The following AK5 variants were observed in gnomAD, a reference collection of about 807,000 sequenced individuals.
AK5 encodes the protein adenylate kinase 5.
Under a neutral mutation model 69.5 loss-of-function variants are expected in AK5, and 27 were observed. The ratio of observed to expected loss-of-function variants is 0.39; its 90% CI spans 0.29 to 0.54. The LOEUF is 0.54. Among genes scored for constraint, AK5 ranks in the 20% least tolerant of loss-of-function variants. AK5 has a pLI of 0.71. For synonymous variants in AK5, 260 were observed against 244.4 expected, an observed-to-expected ratio of 1.06 and a Z score of -0.60; for missense variants, 531 against 700.4, an observed-to-expected ratio of 0.76 and a Z score of 2.73.
chr1:77,554,396 G>A lies in AK5; in HGVS notation c.1621-4206G>A, dbSNP rs12125332. On this transcript the variant is annotated intron_variant, in intron 13 of 13. Coordinates refer to ENST00000354567, the MANE Select transcript of AK5 (RefSeq NM_174858.3). Reference sequence around the variant, plus strand: ...GTGAGCTCAGATTTGGAATAGCATAGAACATCCAGGCTGGAACCAGACCTG... The same window carrying A: ...GTGAGCTCAGATTTGGAATAGCATAAAACATCCAGGCTGGAACCAGACCTG... Among the ~76,000 whole-genome samples the A allele has an allele frequency of 2.0e-3, 312 of 152,270 alleles. 1 individual carries two copies. The highest frequency in any genetic ancestry group is 3.4e-3 in the Non-Finnish European group (234 of 68,026).
intron 8 of AK5, among the ~76,000 whole-genome samples, chr1:77,474,626 G>C (rs1361668812): frequency 6.6e-6 from 1 of 152,164 alleles, no homozygotes; most frequent in African/African-American, 2.4e-5. Context: ...TCAGAAGGAA[G>C]AGGACTGGAG....
At chr1:77,532,496 A>G (rs1261107254) in intron 12 of AK5, among the ~76,000 whole-genome samples, 3 of 151,976 alleles carry the variant, frequency 2.0e-5, no homozygotes, top group African/African-American at 7.3e-5. Context: ...GGTTACATGT[A>G]TCTGCTTCAG....
chr1:77,290,800 A>G (rs1478192199), intron 2 of AK5, among the ~76,000 whole-genome samples: 1 of 152,216 alleles, frequency 6.6e-6, no homozygotes, highest in Admixed American at 6.5e-5. Context: ...TATGTGTCAG[A>G]CATTCTTTTA....
chr1:77,291,953 C>T (rs1658711814), intron 2 of AK5, among the ~76,000 whole-genome samples: 2 of 152,172 alleles, frequency 1.3e-5, no homozygotes, highest in African/African-American at 4.8e-5. Flanking sequence ...GTGTCAATGA[C>T]AAGAAGCAGT....
chr1:77,380,656 C>G (rs1423283633), intron 6 of AK5, among the ~76,000 whole-genome samples: 2 of 152,310 alleles, frequency 1.3e-5, no homozygotes, highest in South Asian at 2.1e-4. Flanking sequence ...AAGACATGAT[C>G]CCTGACCTCA....
At chr1:77,388,569 T>TGTG (rs1013906021) in intron 6 of AK5, among the ~76,000 whole-genome samples, 1 of 74,504 alleles carries the variant, frequency 1.3e-5, no homozygotes, top group African/African-American at 6.0e-5. Flanking sequence ...TTGGTTGTTT[T>TGTG]GTTGTTGTTG....
At chr1:77,296,526 A>T (rs1268251770) in intron 3 of AK5, among the ~76,000 whole-genome samples, 1 of 152,128 alleles carries the variant, frequency 6.6e-6, no homozygotes, top group East Asian at 1.9e-4. Context: ...AAGTACAATA[A>T]CATTCTCAAT....
intron 6 of AK5, 198 bp downstream of exon 6, chr1:77,340,766 T>A: frequency 2.2e-6 from 1 of 446,862 alleles, no homozygotes; most frequent in Non-Finnish European, 3.9e-6. Flanking sequence ...ACTTTCTTTT[T>A]AATTTAATTG....
chr1:77,306,393 GTATGTTGAACCATCT>G (rs1426512308), intron 5 of AK5, among the ~76,000 whole-genome samples: 1 of 151,284 alleles, frequency 6.6e-6, no homozygotes, highest in African/African-American at 2.4e-5. Context: ...ATTGATTTAT[GTATGTTGAACCATCT>G]TTGCATCCCA....
intron 8 of AK5, among the ~76,000 whole-genome samples, chr1:77,436,004 A>G (rs936948035): frequency 6.6e-6 from 1 of 152,176 alleles, no homozygotes; most frequent in Non-Finnish European, 1.5e-5. Context: ...TGTCCTATAC[A>G]TTCGCTTTTT....
At chr1:77,420,731 T>A (rs548011230) in intron 8 of AK5, among the ~76,000 whole-genome samples, 1 of 152,318 alleles carries the variant, frequency 6.6e-6, no homozygotes, top group Non-Finnish European at 1.5e-5. Flanking sequence ...AATAAAGCCA[T>A]TAACAAGCTC....
rs576868989 is a variant in AK5, at chr1:77,528,471, C to T, written c.1428+6528C>T. Among the ~76,000 whole-genome samples, 3 of 152,184 alleles carry T rather than the reference C, an allele frequency of 2.0e-5. No individual in the cohort carries two copies. The South Asian group carries it at 6.2e-4, about 32-fold the overall frequency. On this transcript the variant is annotated intron_variant, in intron 12 of 13. Coordinates refer to ENST00000354567, the MANE Select transcript of AK5 (RefSeq NM_174858.3). The stretch of plus-strand genomic sequence containing the variant: ...TTTGCATACCTGTAGCTGAGTTCTC[C>T]GAGATACAAGGTCCTTTGAGGATTT...
At chr1:77,392,829 T>C (rs1035588305) in intron 6 of AK5, among the ~76,000 whole-genome samples, 7 of 152,190 alleles carry the variant, frequency 4.6e-5, no homozygotes, top group African/African-American at 1.7e-4. Flanking sequence ...ATGTCATTGT[T>C]GTAGTTTCTC....
chr1:77,455,527 C>T (rs1653424960), intron 8 of AK5, among the ~76,000 whole-genome samples: 1 of 152,158 alleles, frequency 6.6e-6, no homozygotes, highest in Non-Finnish European at 1.5e-5. Flanking sequence ...AGCCAGAAGG[C>T]ATCATCTATG....
chr1:77,338,771 A>G (rs762300134), intron 5 of AK5, among the ~76,000 whole-genome samples: 9 of 152,260 alleles, frequency 5.9e-5, no homozygotes, highest in Non-Finnish European at 7.3e-5. Context: ...AGAATCATGA[A>G]AACTAAGAGA....
chr1:77,367,599 A>ATATATGTGTT (rs756398279), intron 6 of AK5, among the ~76,000 whole-genome samples: 1 of 63,130 alleles, frequency 1.6e-5, no homozygotes, highest in Non-Finnish European at 2.7e-5. Flanking sequence ...TTATATATGT[A>ATATATGTGTT]ATATATATGT....
chr1:77,358,146 G>A (rs1410413725), intron 6 of AK5, among the ~76,000 whole-genome samples: 1 of 152,074 alleles, frequency 6.6e-6, no homozygotes, highest in African/African-American at 2.4e-5. Context: ...CTGAAGCCCA[G>A]AAATAACCAT....
At chr1:77,492,427 T>C (rs887267880) in intron 10 of AK5, among the ~76,000 whole-genome samples, 1 of 152,174 alleles carries the variant, frequency 6.6e-6, no homozygotes, top group Admixed American at 6.5e-5. Flanking sequence ...AATAACCTCT[T>C]AGTGTTATAA....
At chr1:77,434,936 T>C (rs972253742) in intron 8 of AK5, among the ~76,000 whole-genome samples, 1 of 152,138 alleles carries the variant, frequency 6.6e-6, no homozygotes, top group African/African-American at 2.4e-5. Flanking sequence ...AGTGAAAACA[T>C]GAAATTGCCT....
Sources: allele counts gnomAD v4.1 joint callset (sites outside exome capture counted in the v4.1 genomes callset), GRCh38; gene constraint gnomAD v4.1.1; transcripts MANE v1.5; gene names NCBI Gene and HGNC (gene_info 2026-07-23, HGNC 2026-07-21).